The following BRIP1 variants were observed in gnomAD, a reference collection of about 807,000 sequenced individuals.
BRIP1 encodes BRCA1 interacting DNA helicase 1, also known as Fanconi anemia group J protein.
Under a neutral mutation model 119.7 loss-of-function variants are expected in BRIP1, and 88 were observed. The observed-to-expected ratio is 0.74, with a 90% CI of 0.62 to 0.88. The LOEUF (loss-of-function observed/expected upper bound fraction) is 0.88, where lower values mean the gene tolerates loss of function less well. Ranked by LOEUF, BRIP1 falls within the 40% of genes least tolerant of loss-of-function variation. The pLI is 0.00. For missense variants in BRIP1, 1,259 were observed against 1,455.4 expected (o/e 0.87, Z 2.20); for synonymous variants, 443 against 496.5 (o/e 0.89, Z 1.43).
chr17:61,808,933 T>A lies in BRIP1; in HGVS notation c.628-176A>T, dbSNP rs1486417143. ...TAAAGAAAAAACTACAATTTAAAAT[T>A]GGTCCTCATTCTTTCTTTTAAAAGT... On this transcript the variant is annotated intron_variant, in intron 6 of 19. Transcript: ENST00000259008. The surrounding 1 kb of genome is among the most constrained non-coding windows in gnomAD (Gnocchi z 4.1). Among the ~76,000 whole-genome samples the A allele has an allele frequency of 6.6e-6, 1 of 152,206 alleles. No homozygotes were observed. Among genetic ancestry groups the A allele is most frequent in the Admixed American group, 6.5e-5 (1 of 15,278 alleles).
chr17:61,733,583 A>C (rs1348206921), intron 16 of BRIP1, among the ~76,000 whole-genome samples: 1 of 152,168 alleles, frequency 6.6e-6, no homozygotes, highest in Admixed American at 6.5e-5. Flanking sequence ...TAACTAAAAT[A>C]GATGTCTGAA....
In BRIP1 at chr17:61,691,116, T is replaced by C. The variant is rs2061441105; in HGVS notation, c.2575+2314A>G. On this transcript the variant is annotated intron_variant, in intron 18 of 19. Transcript: ENST00000259008. The surrounding 1 kb of genome is among the most constrained non-coding windows in gnomAD (Gnocchi z 5.0). ...GGGGGAGAGGGGGGAGGGATAGCAT[T>C]AGGAGATATACCTAATGTAAACGAC... is the stretch of plus-strand genomic sequence containing the variant. Among the ~76,000 whole-genome samples the C allele has an allele frequency of 6.6e-6, 1 of 151,714 alleles. No individual in the cohort carries two copies. Among genetic ancestry groups the C allele is most frequent in the Admixed American group, 6.6e-5 (1 of 15,218 alleles).
chr17:61,789,536 A>T lies in BRIP1; in HGVS notation c.1473+4061T>A, dbSNP rs1207934490. On this transcript the variant is annotated intron_variant, in intron 10 of 19. Transcript: ENST00000259008. The surrounding 1 kb of genome is among the most constrained non-coding windows in gnomAD (Gnocchi z 4.8). ...ATTTTTAGGAGAAATATAACATAGG[A>T]TAAGAAAAGACTGCTTAAAGTAAAT... Among the ~76,000 whole-genome samples, 1 of 152,140 alleles carries T rather than the reference A, an allele frequency of 6.6e-6. No homozygotes were observed. The highest frequency in any genetic ancestry group is 1.5e-5 in the Non-Finnish European group (1 of 68,016).
intron 17 of BRIP1, among the ~76,000 whole-genome samples, chr17:61,711,684 C>T (rs1230552364): frequency 6.6e-6 from 1 of 152,002 alleles, no homozygotes; most frequent in Non-Finnish European, 1.5e-5. Context: ...GCCTGGCCAA[C>T]ATAGCGAAAC....
intron 16 of BRIP1, among the ~76,000 whole-genome samples, chr17:61,737,054 A>G (rs1446464737): frequency 6.6e-6 from 1 of 152,166 alleles, no homozygotes; most frequent in Non-Finnish European, 1.5e-5. Context: ...TATAATCCCC[A>G]AGGTAAATAC....
At chr17:61,715,926 T>C (rs1187095251) in intron 17 of BRIP1, 25 bp downstream of exon 17, 1 of 1,387,818 alleles carries the variant, frequency 7.2e-7, no homozygotes, top group East Asian at 2.3e-5. Context: ...ACAGATAATA[T>C]TATATTAAAT....
intron 6 of BRIP1, among the ~76,000 whole-genome samples, chr17:61,821,713 C>T (rs911917510): frequency 6.6e-6 from 1 of 151,606 alleles, no homozygotes; most frequent in East Asian, 1.9e-4. Flanking sequence ...CATTTTTTGT[C>T]TTTTTAAAAT....
At position 61,680,483 on chromosome 17, in the gene BRIP1, T is replaced by TC. The variant is rs10637696; in HGVS notation, c.*2812_*2813insG. ...TTACCAATTCTAAAGGTAATTTCTT[T>TC]TTTTTTTTTTTTTTGAGACGGAGTC... On this transcript the variant is annotated 3_prime_UTR_variant, in exon 20 of 20. Transcript: ENST00000259008. Among the ~76,000 whole-genome samples the TC allele has an allele frequency of 8.0e-5, 11 of 138,068 alleles. No homozygotes were observed. Among genetic ancestry groups the TC allele is most frequent in the South Asian group, 2.5e-4 (1 of 3,998 alleles). The allele number at this position is 138,068 out of a possible 152,430, so 90.6% of individuals were successfully genotyped here.
chr17:61,863,243 G>A (rs1318939927), intron 1 of BRIP1, 41 bp downstream of exon 1: 1 of 152,138 alleles, frequency 6.6e-6, no homozygotes, highest in Non-Finnish European at 1.5e-5. Flanking sequence ...AGGCTGTGCA[G>A]AAGAACTCAA....
rs1237732461 is a variant in BRIP1 at position 61,748,799 on chromosome 17, A to G, written c.2098-4208T>C. 1.3e-5 allele frequency among the ~76,000 whole-genome samples: 2 copies of G among 152,190 alleles called. No individual in the cohort carries two copies. The highest frequency in any genetic ancestry group is 2.9e-5 in the Non-Finnish European group (2 of 68,032). On this transcript the variant is annotated intron_variant, in intron 14 of 19. Transcript: ENST00000259008. The surrounding 1 kb of genome is among the most constrained non-coding windows in gnomAD (Gnocchi z 4.7). Reference sequence around the variant, plus strand: ...ATAAAACTGGACCTTTATCTTACACAATACACAAAAGTTCACTCAAAATGG... The same window carrying G: ...ATAAAACTGGACCTTTATCTTACACGATACACAAAAGTTCACTCAAAATGG...
In BRIP1 at chr17:61,746,374, G is replaced by A. The variant is rs1234739926; in HGVS notation, c.2098-1783C>T. On this transcript the variant is annotated intron_variant, in intron 14 of 19. Coordinates refer to ENST00000259008, the MANE Select transcript of BRIP1 (RefSeq NM_032043.3). The surrounding 1 kb of genome is among the most constrained non-coding windows in gnomAD (Gnocchi z 4.9). ...TTCCCTATCGGTCATTACTTTAAATGTAAATGGATTAAATTTTCTAATCAA... is the reference window on the plus strand; with the variant it reads ...TTCCCTATCGGTCATTACTTTAAATATAAATGGATTAAATTTTCTAATCAA... Among the ~76,000 whole-genome samples the A allele has an allele frequency of 6.6e-6, 1 of 152,066 alleles. No individual in the cohort carries two copies. The highest frequency in any genetic ancestry group is 2.1e-4 in the South Asian group (1 of 4,830).
Position 61,845,440 on chromosome 17 carries a change from A to T in BRIP1, c.627+1661T>A, listed in dbSNP as rs149011368. Among the ~76,000 whole-genome samples the T allele has an allele frequency of 7.2e-4, 109 of 152,286 alleles. 1 individual carries two copies. The East Asian group carries it at 0.019, about 27-fold the overall frequency. On this transcript the variant is annotated intron_variant, in intron 6 of 19. Transcript: ENST00000259008. The surrounding 1 kb of genome is among the most constrained non-coding windows in gnomAD (Gnocchi z 4.2). ...AGTTTAAGTTCATTGAGTTTTACAG[A>T]TCTTACAAATGTTGACACATTTCAT...
intron 17 of BRIP1, among the ~76,000 whole-genome samples, chr17:61,698,844 A>G (rs2061567099): frequency 6.6e-6 from 1 of 151,864 alleles, no homozygotes; most frequent in Non-Finnish European, 1.5e-5. Flanking sequence ...TCTCCTGAAT[A>G]GCTGGGATTA....
In BRIP1 at chr17:61,715,624, G is replaced by A. The variant is rs556999978; in HGVS notation, c.2492+327C>T. On this transcript the variant is annotated intron_variant, in intron 17 of 19. Coordinates refer to ENST00000259008, the MANE Select transcript of BRIP1 (RefSeq NM_032043.3). ...GTTTATCTATAAAATTGTTATCTGA[G>A]CTTTGATGTTCACAAGACAAAACTT... is the stretch of plus-strand genomic sequence containing the variant. 5.3e-5 allele frequency among the ~76,000 whole-genome samples: 8 copies of A among 152,220 alleles called. No individual in the cohort carries two copies. In the East Asian group the frequency reaches 1.2e-3, roughly 22 times the overall value.
At chr17:61,747,522 T>C (rs1033499480) in intron 14 of BRIP1, among the ~76,000 whole-genome samples, 2 of 148,272 alleles carry the variant, frequency 1.3e-5, no homozygotes, top group Non-Finnish European at 3.0e-5. Context: ...TTGGATAAAA[T>C]AGATGAAATG....
rs182887016 is a variant in BRIP1, at chr17:61,720,117, T to C, written c.2380-4054A>G. Among the ~76,000 whole-genome samples, 1 of 152,304 alleles carries C rather than the reference T, an allele frequency of 6.6e-6. No homozygotes were observed. The highest frequency in any genetic ancestry group is 2.4e-5 in the African/African-American group (1 of 41,582). On this transcript the variant is annotated intron_variant, in intron 16 of 19. Coordinates refer to ENST00000259008, the MANE Select transcript of BRIP1 (RefSeq NM_032043.3). This position sits in a 1 kb window ranked among gnomAD's most constrained non-coding sequence, Gnocchi z 4.3. ...TCCCAAAGTGCTAGGAATACAGGCA[T>C]GAGCCACTGCGTCTGGCTGAGATTT...
At position 61,837,623 on chromosome 17, in the gene BRIP1, A is replaced by G. The variant is rs1249388492; in HGVS notation, c.627+9478T>C. 5.3e-5 allele frequency among the ~76,000 whole-genome samples: 8 copies of G among 152,184 alleles called. No individual in the cohort carries two copies. In the East Asian group the frequency reaches 1.5e-3, roughly 29 times the overall value. ...TATTGTGAGGATTTACTAAAAAAAG[A>G]ACAGAATATAAATAAATCTAGAGAA... On this transcript the variant is annotated intron_variant, in intron 6 of 19. Transcript: ENST00000259008.
At chr17:61,731,961 TTTTCTTTC>T (rs1188482035) in intron 16 of BRIP1, among the ~76,000 whole-genome samples, 5 of 148,542 alleles carry the variant, frequency 3.4e-5, no homozygotes, top group Admixed American at 6.7e-5. Context: ...GCTTTTTTTC[TTTTCTTTC>T]TTTCTTTCTT....
In BRIP1 at chr17:61,713,763, C is replaced by A. The variant is rs559623559; in HGVS notation, c.2492+2188G>T. ...TATCGAACTCCTGACCTTAAGTGATCTGCCCACCTTGGCCTCCCAAAGTGC... is the reference window on the plus strand; with the variant it reads ...TATCGAACTCCTGACCTTAAGTGATATGCCCACCTTGGCCTCCCAAAGTGC... On this transcript the variant is annotated intron_variant, in intron 17 of 19. Transcript: ENST00000259008. The surrounding 1 kb of genome is among the most constrained non-coding windows in gnomAD (Gnocchi z 4.9). Among the ~76,000 whole-genome samples, 1 of 152,198 alleles carries A rather than the reference C, an allele frequency of 6.6e-6. No individual in the cohort carries two copies. Among genetic ancestry groups the A allele is most frequent in the South Asian group, 2.1e-4 (1 of 4,820 alleles).
Sources: gnomAD v4.1 joint callset for allele counts (sites outside exome capture counted in the v4.1 genomes callset) on GRCh38, gnomAD v4.1.1 for gene constraint, Gnocchi (gnomAD v3.1) non-coding constraint, MANE v1.5 for transcripts, NCBI Gene and HGNC (gene_info 2026-07-23, HGNC 2026-07-21) for gene names.